Variants in TIPIN observed in about 807,000 individuals in gnomAD.
TIPIN encodes the protein TIMELESS-interacting protein.
TIPIN carries 29 observed loss-of-function variants against 35.6 expected under a neutral mutation model. The observed-to-expected ratio is 0.82, with a 90% CI of 0.61 to 1.11. The LOEUF (loss-of-function observed/expected upper bound fraction) is 1.11. TIPIN is among the 50% of genes most tolerant of loss of function. The probability of loss-of-function intolerance (pLI) is 0.00; values close to 1 mark genes in which losing one functional copy is unlikely to be tolerated. For missense variants in TIPIN, 296 were observed against 345.4 expected (o/e 0.86, Z 1.13); for synonymous variants, 102 against 121.5 (o/e 0.84, Z 1.06).
At chr15:66,355,731 AAAG>A (rs888952694) in intron 1 of TIPIN, among the ~76,000 whole-genome samples, 7 of 152,200 alleles carry the variant, frequency 4.6e-5, no homozygotes, top group African/African-American at 1.7e-4. Context: ...AGCCTGAGCG[AAAG>A]AGCGAGACTC....
chr15:66,356,600 C>A lies in TIPIN; in HGVS notation c.-9+39G>T, dbSNP rs955629110. On this transcript the variant is annotated intron_variant, in intron 1 of 7. Coordinates refer to ENST00000261881, the MANE Select transcript of TIPIN (RefSeq NM_017858.3). ...TCCCTGGCTAGTCCGACTCCCCTCT[C>A]CCCGCAAGAACTTCATTGGCCCGCC... 3 of 986,430 alleles carry A rather than the reference C, an allele frequency of 3.0e-6. No homozygotes were observed. In the African/African-American group the frequency reaches 5.2e-5, roughly 17 times the overall value. The allele number at this position is 986,430 out of a possible 1,614,324, so 61.1% of individuals were successfully genotyped here.
In TIPIN at chr15:66,346,383, T is replaced by C. The variant is rs1251408783; in HGVS notation, c.475+2677A>G. Among the ~76,000 whole-genome samples the C allele has an allele frequency of 2.0e-5, 3 of 151,388 alleles. No homozygotes were observed. In the East Asian group the frequency reaches 5.8e-4, roughly 29 times the overall value. On this transcript the variant is annotated intron_variant, in intron 6 of 7. Transcript: ENST00000261881. ...CCTGACCTCTACTGTTCATTCAAAA[T>C]ACTTTTTTTCTTTTTAATTTCTTTT...
intron 1 of TIPIN, chr15:66,382,726 G>A (rs1468450801): frequency 1.2e-5 from 2 of 163,264 alleles, no homozygotes; most frequent in Non-Finnish European, 2.6e-5. Context: ...GCTACACTGT[G>A]TACAAATGGG....
rs11637949 is a variant in TIPIN, at chr15:66,336,536, A to G, written c.*422T>C. The G allele has an allele frequency of 0.19, 32,484 of 171,774 alleles. 3,900 individuals carry two copies. Among genetic ancestry groups the G allele is most frequent in the Middle Eastern group, 0.29 (91 of 318 alleles). 10.6% of individuals were successfully genotyped at this position (171,774 alleles called of 1,614,324 possible). On this transcript the variant is annotated 3_prime_UTR_variant, in exon 8 of 8. Coordinates refer to ENST00000261881, the MANE Select transcript of TIPIN (RefSeq NM_017858.3). Reference sequence around the variant, plus strand: ...GCCACTGCACTCCAGCCTGGCCAACAGAGTGAGACTCTGTGTCAAAAAAAA... The same window carrying G: ...GCCACTGCACTCCAGCCTGGCCAACGGAGTGAGACTCTGTGTCAAAAAAAA...
intron 6 of TIPIN, among the ~76,000 whole-genome samples, chr15:66,342,042 G>A (rs1456239690): frequency 1.3e-5 from 2 of 151,880 alleles, no homozygotes; most frequent in Admixed American, 6.6e-5. Context: ...AAATTAGCTG[G>A]GCATGGTGGC....
At chr15:66,337,326 ATCTT>A (rs2093051692) in intron 7 of TIPIN, 145 bp from the exon 8 acceptor site, 6 of 529,134 alleles carry the variant, frequency 1.1e-5, no homozygotes, top group Non-Finnish European at 1.9e-5. Context: ...TTCTAAATAT[ATCTT>A]TTTTTTTTTT....
chr15:66,385,623 G>T (rs1452889995), intron 1 of TIPIN, among the ~76,000 whole-genome samples: 1 of 151,638 alleles, frequency 6.6e-6, no homozygotes, highest in Non-Finnish European at 1.5e-5. Context: ...CAAGTAGTTG[G>T]GATTACAGGC....
At chr15:66,345,133 G>A (rs1218211366) in intron 6 of TIPIN, among the ~76,000 whole-genome samples, 1 of 152,172 alleles carries the variant, frequency 6.6e-6, no homozygotes, top group East Asian at 1.9e-4. Flanking sequence ...CTATAACAGT[G>A]TAATGGGGAG....
At chr15:66,349,539 C>A in intron 4 of TIPIN, 102 bp from the exon 5 acceptor site, 1 of 1,426,056 alleles carries the variant, frequency 7.0e-7, no homozygotes, top group South Asian at 1.4e-5. Context: ...TCACTGGGGT[C>A]ATTTTATATT....
chr15:66,343,624 T>A (rs1595787118), intron 6 of TIPIN, among the ~76,000 whole-genome samples: 1 of 152,266 alleles, frequency 6.6e-6, no homozygotes, highest in East Asian at 1.9e-4. Context: ...AGGAAGAAAC[T>A]AAAATGGCCT....
chr15:66,382,135 C>T (rs946710675), intron 1 of TIPIN, among the ~76,000 whole-genome samples: 7 of 152,120 alleles, frequency 4.6e-5, no homozygotes. Flanking sequence ...ATTTATTTAG[C>T]TCCTGTATGT....
At chr15:66,367,778 AT>A (rs373736927) in intron 1 of TIPIN, among the ~76,000 whole-genome samples, 4 of 148,966 alleles carry the variant, frequency 2.7e-5, no homozygotes, top group African/African-American at 9.9e-5. Context: ...TTGTGTTGCT[AT>A]TTTGTTATTA....
At position 66,352,888 on chromosome 15, in the gene TIPIN, A is replaced by G. The variant is rs778123001; in HGVS notation, c.60T>C (p.Asp20=). The G allele has an allele frequency of 2.9e-5, 47 of 1,613,996 alleles. 1 individual carries two copies. In the South Asian group the frequency reaches 5.2e-4, roughly 18 times the overall value. ...IDLPDYEHVE[D]ETFPPFPPPA... Reference sequence around the variant, plus strand: ...GAGGTGGGAAAGGAGGAAAAGTTTCATCTTCTACATGCTCATAATCTGGTA... The same window carrying G: ...GAGGTGGGAAAGGAGGAAAAGTTTCGTCTTCTACATGCTCATAATCTGGTA... The change falls in exon 2 of 8, where the codon GAT becomes GAC. Residue 20 remains aspartate (D), a synonymous_variant. Coordinates refer to ENST00000261881, the MANE Select transcript of TIPIN (RefSeq NM_017858.3).
intron 1 of TIPIN, among the ~76,000 whole-genome samples, chr15:66,372,610 G>A (rs2093281420): frequency 6.6e-6 from 1 of 152,148 alleles, no homozygotes; most frequent in Non-Finnish European, 1.5e-5. Flanking sequence ...GGTCCCATAA[G>A]AGTACAATAA....
At chr15:66,351,668 C>CAAAAA in intron 3 of TIPIN, 68 bp from the exon 4 acceptor site, 5 of 1,290,482 alleles carry the variant, frequency 3.9e-6, no homozygotes, top group Non-Finnish European at 5.3e-6. Context: ...GACGGAGTCT[C>CAAAAA]ACTCTGTCGC....
chr15:66,345,532 T>C (rs528972781), intron 6 of TIPIN, among the ~76,000 whole-genome samples: 4 of 152,238 alleles, frequency 2.6e-5, no homozygotes, highest in Non-Finnish European at 5.9e-5. Flanking sequence ...CTGGCCAACG[T>C]GATGAAACCC....
chr15:66,341,009 T>C, intron 7 of TIPIN, 141 bp downstream of exon 7: 1 of 699,874 alleles, frequency 1.4e-6, no homozygotes, highest in Non-Finnish European at 2.4e-6. Flanking sequence ...ACACACACTG[T>C]CTCTAAAATA....
chr15:66,359,642 C>T (rs534755046), upstream of TIPIN, among the ~76,000 whole-genome samples: 18 of 152,240 alleles, frequency 1.2e-4, no homozygotes, highest in African/African-American at 4.1e-4. Flanking sequence ...AGTCACCTCA[C>T]CAGGCCTAAA....
intron 4 of TIPIN, 98 bp from the exon 5 acceptor site, chr15:66,349,535 G>A (rs1211115779): frequency 6.9e-7 from 1 of 1,448,972 alleles, no homozygotes; most frequent in South Asian, 1.4e-5. Context: ...AAAATCACTG[G>A]GGTCATTTTA....
Sources: gnomAD v4.1 joint callset for allele counts (sites outside exome capture counted in the v4.1 genomes callset) on GRCh38, gnomAD v4.1.1 for gene constraint, MANE v1.5 for transcripts, NCBI Gene and HGNC (gene_info 2026-07-23, HGNC 2026-07-21) for gene names.